The following TENM1 variants were observed in gnomAD, a reference collection of about 807,000 sequenced individuals.
TENM1 encodes teneurin transmembrane protein 1.
In TENM1, 35 loss-of-function variants were observed where a neutral mutation model predicts 174.8. The ratio of observed to expected loss-of-function variants is 0.20; its 90% CI spans 0.15 to 0.27. The LOEUF (loss-of-function observed/expected upper bound fraction) is 0.27. Ranked by LOEUF, TENM1 falls within the 10% of genes least tolerant of loss-of-function variation. The probability of loss-of-function intolerance (pLI) is 1.00; values close to 1 mark genes in which losing one functional copy is unlikely to be tolerated. For synonymous variants in TENM1, 781 were observed against 798.7 expected (o/e 0.98, Z 0.37); for missense variants, 1,633 against 2,130.1 (o/e 0.77, Z 4.59).
the TENM1 span, among the ~76,000 whole-genome samples, chrX:125,167,283 CAAGAAACT>C: frequency 3.6e-5 from 4 of 111,622 alleles, no homozygotes; most frequent in Non-Finnish European, 1.9e-5. Flanking sequence ...GTAGAGAAAT[CAAGAAACT>C]AATGGGGCAC....
At chrX:124,538,173 T>A (rs1354826662) in intron 15 of TENM1, among the ~76,000 whole-genome samples, 1 of 112,160 alleles carries the variant, frequency 8.9e-6, no homozygotes, top group African/African-American at 3.2e-5. Flanking sequence ...TTTGAACATG[T>A]GTTTTCTGAA....
intron 11 of TENM1, among the ~76,000 whole-genome samples, chrX:124,619,833 C>T (rs770752182): frequency 2.7e-5 from 3 of 111,840 alleles, no homozygotes; most frequent in Admixed American, 1.9e-4. Flanking sequence ...TTCAGAATGG[C>T]TCATAGTAAA....
rs1013203507 is a variant in TENM1, at chrX:124,686,080, A to G, written c.1016-14245T>C. 2.8e-5 allele frequency among the ~76,000 whole-genome samples: 3 copies of G among 108,262 alleles called. No individual in the cohort carries two copies. The Admixed American group carries it at 2.9e-4, about 10-fold the overall frequency. The allele number at this position is 108,262 out of a possible 115,157, so 94.0% of individuals were successfully genotyped here. A position where few individuals can be genotyped will look rare whatever the true frequency, so the allele number is the denominator to read the frequency against. On this transcript the variant is annotated intron_variant, in intron 5 of 31. Transcript: ENST00000422452. ...AATGAAATTCACACAAGTTAACAAC[A>G]AAAGAGAATTTTGAAAACAGCAAGA...
At chrX:124,630,627 G>A (rs1230559530) in intron 11 of TENM1, among the ~76,000 whole-genome samples, 1 of 112,025 alleles carries the variant, frequency 8.9e-6, no homozygotes, top group Non-Finnish European at 1.9e-5. Flanking sequence ...AGTCAGAGCT[G>A]TGCCAGGACA....
the TENM1 span, among the ~76,000 whole-genome samples, chrX:125,159,842 G>T: frequency 6.2e-3 from 696 of 111,789 alleles, 2 homozygotes; most frequent in African/African-American, 0.021. Flanking sequence ...ATGAGCACAT[G>T]AAGAGGTGAG....
chrX:124,417,448 G>A (rs949307720), intron 25 of TENM1, among the ~76,000 whole-genome samples: 2 of 111,039 alleles, frequency 1.8e-5, no homozygotes, highest in Non-Finnish European at 3.8e-5. Flanking sequence ...CTGACCTCAG[G>A]TGATCCACCC....
chrX:125,041,781 G>C, the TENM1 span, among the ~76,000 whole-genome samples: 1 of 111,705 alleles, frequency 9.0e-6, no homozygotes, highest in African/African-American at 3.2e-5. Context: ...TTACAGGACA[G>C]AGGGAGAGAC....
chrX:124,558,026 T>C (rs1284134049), intron 14 of TENM1, among the ~76,000 whole-genome samples: 4 of 112,135 alleles, frequency 3.6e-5, no homozygotes, highest in African/African-American at 1.3e-4. Context: ...AGACATTTCA[T>C]AGGTTTGTGA....
intron 23 of TENM1, among the ~76,000 whole-genome samples, chrX:124,432,180 C>T (rs988717947): frequency 1.8e-5 from 2 of 111,610 alleles, no homozygotes; most frequent in Non-Finnish European, 1.9e-5. Context: ...TAAGGGCCAT[C>T]GCTCTTTTAG....
At chrX:124,902,013 G>A (rs749167399) in intron 1 of TENM1, among the ~76,000 whole-genome samples, 14 of 112,017 alleles carry the variant, frequency 1.2e-4, no homozygotes, top group Non-Finnish European at 2.4e-4. Flanking sequence ...ATTACATGCA[G>A]AAGCAAGTGT....
At chrX:124,472,653 A>C (rs1332789089) in intron 22 of TENM1, among the ~76,000 whole-genome samples, 4 of 111,378 alleles carry the variant, frequency 3.6e-5, no homozygotes, top group Non-Finnish European at 7.5e-5. Context: ...TGAATTTTAC[A>C]CTATAAAACT....
chrX:124,464,654 G>T (rs1485272059), intron 22 of TENM1, among the ~76,000 whole-genome samples: 1 of 111,798 alleles, frequency 8.9e-6, no homozygotes, highest in Non-Finnish European at 1.9e-5. Flanking sequence ...GAGACGTTTG[G>T]GAGAACTGAT....
intron 20 of TENM1, among the ~76,000 whole-genome samples, chrX:124,491,773 G>A (rs750830778): frequency 4.5e-5 from 5 of 111,842 alleles, no homozygotes; most frequent in South Asian, 3.7e-4. Context: ...AATTGGAAAC[G>A]TTTCGGATCA....
chrX:124,453,837 AT>A (rs201529346), intron 22 of TENM1, among the ~76,000 whole-genome samples: 1,162 of 110,109 alleles, frequency 0.011, 6 homozygotes, highest in African/African-American at 0.024. Context: ...TGTATATTAC[AT>A]TTTTTTTTAG....
At chrX:124,984,342 A>G in the TENM1 span, among the ~76,000 whole-genome samples, 2 of 112,389 alleles carry the variant, frequency 1.8e-5, no homozygotes, top group African/African-American at 3.2e-5. Context: ...TTTATTCAAG[A>G]TGATTAATGA....
intron 26 of TENM1, among the ~76,000 whole-genome samples, 187 bp downstream of exon 29, chrX:124,406,130 A>T (rs993407956): frequency 1.8e-5 from 2 of 108,172 alleles, no homozygotes; most frequent in African/African-American, 6.8e-5. Context: ...AGATGGGCCC[A>T]AAGTTGATGT....
At chrX:125,172,321 A>ACCC in the TENM1 span, among the ~76,000 whole-genome samples, 27 of 99,252 alleles carry the variant, frequency 2.7e-4, no homozygotes, top group African/African-American at 8.0e-4. Flanking sequence ...ATTCAACCTC[A>ACCC]CCCCCCCCCA....
intron 3 of TENM1, among the ~76,000 whole-genome samples, chrX:124,787,281 G>GT (rs1006086436): frequency 1.8e-5 from 2 of 111,338 alleles, no homozygotes; most frequent in African/African-American, 3.3e-5. Flanking sequence ...TAATAACAAT[G>GT]TATCTCCAGA....
Position 124,406,497 on chromosome X carries a change from A to G in TENM1, c.4983-8T>C. ...TGTCCCTCGGGGTCATACCTGAGGA[A>G]TGTAACCAATCCCAGCTTTGAAGCG... On this transcript the variant is annotated splice_polypyrimidine_tract_variant and splice_region_variant and intron_variant, in intron 25 of 31. Coordinates refer to ENST00000422452, the Ensembl canonical transcript of TENM1. 1 of 1,166,716 alleles carries G rather than the reference A, an allele frequency of 8.6e-7. No homozygotes were observed. Among genetic ancestry groups the G allele is most frequent in the South Asian group, 1.9e-5 (1 of 52,322 alleles).
Sources: allele counts gnomAD v4.1 joint callset (sites outside exome capture counted in the v4.1 genomes callset), GRCh38; gene constraint gnomAD v4.1.1; transcripts MANE v1.5; gene names NCBI Gene and HGNC (gene_info 2026-07-23, HGNC 2026-07-21).